The following KPNA7 variants were observed in gnomAD, a reference collection of about 807,000 sequenced individuals.
KPNA7 encodes karyopherin subunit alpha 7, also known as importin subunit alpha-8.
KPNA7 carries 54 observed loss-of-function variants against 53.7 expected under a neutral mutation model. The ratio of observed to expected loss-of-function variants is 1.01; its 90% CI spans 0.81 to 1.26. KPNA7 has a LOEUF of 1.26. Ranked by LOEUF, KPNA7 falls within the 50% of genes most tolerant of loss-of-function variation. The pLI, the probability that KPNA7 is intolerant of heterozygous loss-of-function variation, is 0.00. For missense variants in KPNA7, 640 were observed against 644.5 expected, an observed-to-expected ratio of 0.99 and a Z score of 0.07; for synonymous variants, 276 against 259.3, an observed-to-expected ratio of 1.06 and a Z score of -0.62.
the KPNA7 span, among the ~76,000 whole-genome samples, chr7:99,147,969 A>G: frequency 1.3e-5 from 2 of 151,660 alleles, no homozygotes; most frequent in South Asian, 2.1e-4. Context: ...GTGAGCTATG[A>G]TTGTGCCACT....
chr7:99,150,254 C>T, the KPNA7 span, among the ~76,000 whole-genome samples: 1 of 151,780 alleles, frequency 6.6e-6, no homozygotes, highest in South Asian at 2.1e-4. Context: ...TGCCACCAAA[C>T]CTGGCTAATT....
chr7:99,216,762 A>G (rs893111335), intron 1 of KPNA7, among the ~76,000 whole-genome samples: 1 of 152,054 alleles, frequency 6.6e-6, no homozygotes, highest in African/African-American at 2.4e-5. Context: ...GGGTTTCACC[A>G]TGTTGGCCAG....
intron 9 of KPNA7, among the ~76,000 whole-genome samples, chr7:99,180,873 CTCCCCGTCTGTGTCTCTCTCTCT>C (rs2150710988): frequency 8.5e-6 from 1 of 117,704 alleles, no homozygotes; most frequent in Non-Finnish European, 1.8e-5. Context: ...CTCTCTCTCT[CTCCCCGTCTGTGTCTCTCTCTCT>C]CCCCATCTCT....
chr7:99,195,687 AGT>A (rs1273360722), intron 4 of KPNA7, among the ~76,000 whole-genome samples: 2 of 152,170 alleles, frequency 1.3e-5, no homozygotes, highest in African/African-American at 4.8e-5. Context: ...TGGGTGACAG[AGT>A]GAGACTCCAT....
At chr7:99,184,236 C>A (rs192220909) in intron 8 of KPNA7, among the ~76,000 whole-genome samples, 1 of 150,558 alleles carries the variant, frequency 6.6e-6, no homozygotes, top group African/African-American at 2.4e-5. Context: ...CTCACAGCAG[C>A]CTTGACCTCC....
intron 9 of KPNA7, among the ~76,000 whole-genome samples, chr7:99,178,545 A>G (rs1278583020): frequency 1.3e-5 from 2 of 151,922 alleles, no homozygotes; most frequent in African/African-American, 2.4e-5. Flanking sequence ...TCCAGCCTGG[A>G]TGACAGCATA....
At chr7:99,210,791 T>C (rs941084309), upstream of KPNA7, among the ~76,000 whole-genome samples, 2 of 152,036 alleles carry the variant, frequency 1.3e-5, no homozygotes, top group East Asian at 1.9e-4. Flanking sequence ...CTCACTATGT[T>C]GCCCAGGCTG....
chr7:99,167,830 T>A, the KPNA7 span, among the ~76,000 whole-genome samples: 1 of 151,802 alleles, frequency 6.6e-6, no homozygotes. Context: ...TCCCATCACC[T>A]CCAGATGGGA....
upstream of KPNA7, among the ~76,000 whole-genome samples, chr7:99,209,371 C>T (rs978926711): frequency 4.6e-5 from 7 of 152,140 alleles, no homozygotes; most frequent in Admixed American, 3.3e-4. Flanking sequence ...CTCTTACCCA[C>T]ACTACTGCAG....
chr7:99,157,371 G>T, the KPNA7 span, among the ~76,000 whole-genome samples: 2 of 152,028 alleles, frequency 1.3e-5, no homozygotes, highest in African/African-American at 2.4e-5. Flanking sequence ...CACCACACCC[G>T]GCTAATTTTG....
At chr7:99,194,989 A>G in intron 5 of KPNA7, 81 bp downstream of exon 5, 1 of 1,442,450 alleles carries the variant, frequency 6.9e-7, no homozygotes, top group South Asian at 1.4e-5. Context: ...GACATCGAGT[A>G]TACCCCACCA....
the KPNA7 span, among the ~76,000 whole-genome samples, chr7:99,153,116 C>T: frequency 6.6e-6 from 1 of 152,298 alleles, no homozygotes; most frequent in East Asian, 1.9e-4. Context: ...GTTGGACTAA[C>T]ACATCTTTCC....
chr7:99,219,192 G>A (rs1313378739), intron 1 of KPNA7, among the ~76,000 whole-genome samples: 1 of 152,256 alleles, frequency 6.6e-6, no homozygotes, highest in Non-Finnish European at 1.5e-5. Context: ...TCCCAGGTGA[G>A]TCTCATGTTC....
chr7:99,165,494 G>A, the KPNA7 span, among the ~76,000 whole-genome samples: 2 of 150,598 alleles, frequency 1.3e-5, no homozygotes, highest in Non-Finnish European at 3.0e-5. Flanking sequence ...AATCACTGCA[G>A]AAGGAGATGA....
downstream of KPNA7, among the ~76,000 whole-genome samples, chr7:99,169,724 A>G (rs746291690): frequency 2.2e-4 from 33 of 151,546 alleles, no homozygotes; most frequent in Non-Finnish European, 7.4e-5. Context: ...CTTTAGGAAA[A>G]CTAACCAGCC....
chr7:99,158,223 T>C, the KPNA7 span, among the ~76,000 whole-genome samples: 10 of 152,136 alleles, frequency 6.6e-5, no homozygotes, highest in African/African-American at 2.4e-4. Context: ...TTCACAATGA[T>C]ATGCTTTGGC....
At chr7:99,218,365 CAAG>C (rs1471351335) in intron 1 of KPNA7, among the ~76,000 whole-genome samples, 2 of 151,980 alleles carry the variant, frequency 1.3e-5, no homozygotes, top group Non-Finnish European at 2.9e-5. Flanking sequence ...CTCCTGTTCA[CAAG>C]AAGGAGGCAA....
chr7:99,160,016 TG>T, the KPNA7 span, among the ~76,000 whole-genome samples: 7 of 111,054 alleles, frequency 6.3e-5, no homozygotes, highest in African/African-American at 1.8e-4. Context: ...CTGTTGTTTT[TG>T]TTTTTTTTTT....
the KPNA7 span, among the ~76,000 whole-genome samples, chr7:99,166,869 C>T: frequency 6.6e-6 from 1 of 152,268 alleles, no homozygotes; most frequent in East Asian, 1.9e-4. Context: ...TCCACCACCT[C>T]GACCTCCCAA....
Sources: gnomAD v4.1 joint callset for allele counts (sites outside exome capture counted in the v4.1 genomes callset) on GRCh38, gnomAD v4.1.1 for gene constraint, MANE v1.5 for transcripts, NCBI Gene and HGNC (gene_info 2026-07-23, HGNC 2026-07-21) for gene names.